The following PITPNC1 variants were observed in gnomAD, a reference collection of about 807,000 sequenced individuals.
PITPNC1 encodes the protein cytoplasmic phosphatidylinositol transfer protein 1.
In PITPNC1, 18 loss-of-function variants were observed where a neutral mutation model predicts 44.7. The observed-to-expected ratio is 0.40, with a 90% CI of 0.28 to 0.60. PITPNC1 has a LOEUF of 0.60. Among genes scored for constraint, PITPNC1 ranks in the 20% least tolerant of loss-of-function variants. PITPNC1 has a pLI of 0.39. For synonymous variants in PITPNC1, 141 were observed against 149.6 expected (o/e 0.94, Z 0.42); for missense variants, 290 against 418.4 (o/e 0.69, Z 2.68).
chr17:67,475,827 G>A (rs978764691), intron 1 of PITPNC1, among the ~76,000 whole-genome samples: 1 of 152,126 alleles, frequency 6.6e-6, no homozygotes, highest in Non-Finnish European at 1.5e-5. Flanking sequence ...ATTTTTCAAG[G>A]TTCTGGCTGG....
chr17:67,570,126 C>G (rs1054021781), intron 4 of PITPNC1, among the ~76,000 whole-genome samples: 1 of 152,168 alleles, frequency 6.6e-6, no homozygotes, highest in Non-Finnish European at 1.5e-5. Context: ...CTTCTTTGAG[C>G]CTTGGTTTTG....
chr17:67,383,806 AGGCGGGTGGATCACCTGAG>A (rs1179787687), intron 1 of PITPNC1, among the ~76,000 whole-genome samples: 1 of 152,330 alleles, frequency 6.6e-6, no homozygotes, highest in Non-Finnish European at 1.5e-5. Context: ...TGGGAGGCTG[AGGCGGGTGGATCACCTGAG>A]GTCGGGAGTT....
chr17:67,408,595 T>C (rs927883986), intron 1 of PITPNC1, among the ~76,000 whole-genome samples: 2 of 151,740 alleles, frequency 1.3e-5, no homozygotes, highest in African/African-American at 2.4e-5. Flanking sequence ...CTTTCCCTTT[T>C]CCTTTCCCTC....
chr17:67,489,989 G>C lies in PITPNC1; in HGVS notation c.49-42813G>C, dbSNP rs115747291. Among the ~76,000 whole-genome samples the C allele has an allele frequency of 4.8e-3, 725 of 152,040 alleles. 5 individuals are homozygous for C. Among genetic ancestry groups the C allele is most frequent in the African/African-American group, 0.016 (681 of 41,440 alleles). ...GAACCTCAAGTGATCCATCCCCCTC[G>C]GTCTCCCAAAATGCTGGGATTGCAG... is the stretch of plus-strand genomic sequence containing the variant. On this transcript the variant is annotated intron_variant, in intron 1 of 8. Coordinates refer to ENST00000581322, the MANE Select transcript of PITPNC1 (RefSeq NM_012417.4).
chr17:67,449,515 T>G (rs2039146929), intron 1 of PITPNC1, among the ~76,000 whole-genome samples: 1 of 152,234 alleles, frequency 6.6e-6, no homozygotes. Context: ...AAATGTTACT[T>G]AAAGTAATAG....
chr17:67,412,978 T>C (rs2038526577), intron 1 of PITPNC1, among the ~76,000 whole-genome samples: 1 of 152,206 alleles, frequency 6.6e-6, no homozygotes, highest in Non-Finnish European at 1.5e-5. Context: ...CCTTAATGAG[T>C]TGGTTGCTAG....
intron 1 of PITPNC1, among the ~76,000 whole-genome samples, chr17:67,495,276 T>C (rs1412838398): frequency 6.6e-6 from 1 of 151,970 alleles, no homozygotes; most frequent in Non-Finnish European, 1.5e-5. Context: ...GCCAGGATGG[T>C]CTAGATCTCC....
chr17:67,444,114 A>G (rs1031811678), intron 1 of PITPNC1, among the ~76,000 whole-genome samples: 1 of 152,088 alleles, frequency 6.6e-6, no homozygotes, highest in Non-Finnish European at 1.5e-5. Context: ...ATGTGGGTTC[A>G]TCAGGTTTCT....
intron 1 of PITPNC1, among the ~76,000 whole-genome samples, chr17:67,447,732 C>T (rs572080779): frequency 9.3e-5 from 14 of 150,128 alleles, no homozygotes; most frequent in South Asian, 2.1e-4. Context: ...AGGTCTTACG[C>T]GACAGTCCTT....
At chr17:67,478,728 A>T (rs925389354) in intron 1 of PITPNC1, among the ~76,000 whole-genome samples, 4 of 152,008 alleles carry the variant, frequency 2.6e-5, no homozygotes, top group Non-Finnish European at 5.9e-5. Context: ...AAGCGTTGGG[A>T]GGTCTCTGAG....
intron 8 of PITPNC1, among the ~76,000 whole-genome samples, chr17:67,689,785 A>C (rs1318148598): frequency 1.3e-5 from 2 of 152,214 alleles, no homozygotes; most frequent in African/African-American, 4.8e-5. Flanking sequence ...GTATTCAGCC[A>C]CTTGATTAAG....
chr17:67,426,327 G>A (rs562576730), intron 1 of PITPNC1, among the ~76,000 whole-genome samples: 24 of 152,160 alleles, frequency 1.6e-4, no homozygotes, highest in East Asian at 1.9e-4. Context: ...ATTGTGGCAC[G>A]ATTTACAAGA....
intron 4 of PITPNC1, among the ~76,000 whole-genome samples, chr17:67,560,568 C>G (rs960134355): frequency 1.3e-5 from 2 of 152,154 alleles, no homozygotes; most frequent in Non-Finnish European, 2.9e-5. Context: ...GTTGTATGGA[C>G]GAGCCAGTTG....
chr17:67,569,893 A>T (rs2041028683), intron 4 of PITPNC1, among the ~76,000 whole-genome samples: 1 of 150,190 alleles, frequency 6.7e-6, no homozygotes, highest in Non-Finnish European at 1.5e-5. Flanking sequence ...AAGAAGAGGG[A>T]GAGAGAGATA....
chr17:67,532,225 G>A (rs78826592), intron 1 of PITPNC1, among the ~76,000 whole-genome samples: 2 of 152,136 alleles, frequency 1.3e-5, no homozygotes, highest in Non-Finnish European at 2.9e-5. Flanking sequence ...CTCCACTCAT[G>A]GGGGAGCCGG....
At chr17:67,599,054 T>TTA (rs1172138784) in intron 5 of PITPNC1, among the ~76,000 whole-genome samples, 1 of 102,374 alleles carries the variant, frequency 9.8e-6, no homozygotes, top group East Asian at 2.6e-4. Flanking sequence ...TTTTTTTTTT[T>TTA]ACCATGTTGG....
intron 1 of PITPNC1, among the ~76,000 whole-genome samples, chr17:67,500,622 A>G (rs1313606408): frequency 6.6e-6 from 1 of 151,910 alleles, no homozygotes; most frequent in African/African-American, 2.4e-5. Context: ...TAAAAGGACA[A>G]ATTTTATGGT....
intron 1 of PITPNC1, among the ~76,000 whole-genome samples, chr17:67,381,468 C>CT (rs1180701616): frequency 0.02 from 2,675 of 135,612 alleles, 30 homozygotes; most frequent in Middle Eastern, 0.029. Context: ...GTTTCTCTCT[C>CT]TTTTTTTTTT....
chr17:67,423,833 A>C (rs1179581656), intron 1 of PITPNC1, among the ~76,000 whole-genome samples: 1 of 152,106 alleles, frequency 6.6e-6, no homozygotes, highest in Non-Finnish European at 1.5e-5. Flanking sequence ...CACAGTGGAG[A>C]GTTGCAATGC....
Sources: gnomAD v4.1 joint callset for allele counts (sites outside exome capture counted in the v4.1 genomes callset) on GRCh38, gnomAD v4.1.1 for gene constraint, MANE v1.5 for transcripts, NCBI Gene and HGNC (gene_info 2026-07-23, HGNC 2026-07-21) for gene names.